KALRN: variants seen among roughly 807,000 people sequenced by gnomAD.
KALRN encodes kalirin RhoGEF kinase, also known as kalirin.
Under a neutral mutation model 353.7 loss-of-function variants are expected in KALRN, and 70 were observed. The ratio of observed to expected loss-of-function variants is 0.20; its 90% CI spans 0.16 to 0.24. The LOEUF (loss-of-function observed/expected upper bound fraction) is 0.24. Among genes scored for constraint, KALRN ranks in the 10% least tolerant of loss-of-function variants. The probability of loss-of-function intolerance (pLI) is 1.00; values close to 1 mark genes in which losing one functional copy is unlikely to be tolerated. For synonymous variants in KALRN, 1,391 were observed against 1,434.8 expected, an observed-to-expected ratio of 0.97 and a Z score of 0.69; for missense variants, 2,791 against 3,756.7, an observed-to-expected ratio of 0.74 and a Z score of 6.72.
chr3:124,191,658 T>C (rs2074931725), intron 1 of KALRN, among the ~76,000 whole-genome samples: 1 of 152,166 alleles, frequency 6.6e-6, no homozygotes, highest in African/African-American at 2.4e-5. Context: ...TTTTCTTTCT[T>C]TGTTTTTCTC....
chr3:124,262,139 A>G (rs1053309616), intron 3 of KALRN, among the ~76,000 whole-genome samples: 1 of 152,218 alleles, frequency 6.6e-6, no homozygotes, highest in Non-Finnish European at 1.5e-5. Context: ...GTAAGTTGAC[A>G]TACCTTTCTG....
At position 124,655,658 on chromosome 3, in the gene KALRN, T is replaced by G; in HGVS notation, c.5853T>G (p.Ile1951Met). ...AAGACTATGTCAAGGATCTGGGCAT[T>G]GTGGTGGAGGTAAGTAGAGGGTTCC... ...TEKDYVKDLG[I>M]VVEGFMKRIE... Residue 1951 changes from isoleucine (I) to methionine (M), a missense_variant, in exon 39 of 60, where the codon ATT becomes ATG. Around this residue, in one of 11 missense-constraint regions of KALRN, gnomAD observed 1,065 missense variants for 1,156.4 expected, o/e 0.92. Coordinates refer to ENST00000682506, the MANE Select transcript of KALRN (RefSeq NM_001388419.1). The G allele has an allele frequency of 6.2e-7, 1 of 1,613,898 alleles. No individual in the cohort carries two copies. Among genetic ancestry groups the G allele is most frequent in the Non-Finnish European group, 8.5e-7 (1 of 1,179,790 alleles).
chr3:124,099,290 C>T (rs2092329890), intron 1 of KALRN: 1 of 152,226 alleles, frequency 6.6e-6, no homozygotes, highest in Admixed American at 6.5e-5. Context: ...TTAGCTTCCA[C>T]ATATGAGTGA....
At chr3:124,326,319 A>G in intron 7 of KALRN, 148 bp downstream of exon 7, 1 of 560,012 alleles carries the variant, frequency 1.8e-6, no homozygotes, top group Non-Finnish European at 3.0e-6. Flanking sequence ...CATTGCAACA[A>G]TAACCTATGT....
At chr3:124,183,753 C>T (rs142863182) in intron 1 of KALRN, among the ~76,000 whole-genome samples, 1,966 of 152,278 alleles carry the variant, frequency 0.013, 33 homozygotes, top group Non-Finnish European at 0.017. Flanking sequence ...GTTTAAGCCA[C>T]CCAGTCTGTG....
intron 6 of KALRN, among the ~76,000 whole-genome samples, chr3:124,301,230 T>C (rs1272730065): frequency 6.6e-6 from 1 of 152,236 alleles, no homozygotes; most frequent in Non-Finnish European, 1.5e-5. Context: ...TCTCTGCTAG[T>C]GTGGATAACT....
At chr3:124,416,148 A>G (rs958088046) in intron 14 of KALRN, among the ~76,000 whole-genome samples, 3 of 152,094 alleles carry the variant, frequency 2.0e-5, no homozygotes, top group Non-Finnish European at 4.4e-5. Context: ...AGGGATGCTC[A>G]CCCTTCATCT....
chr3:124,146,626 C>A (rs148755977), intron 1 of KALRN, among the ~76,000 whole-genome samples: 84 of 151,988 alleles, frequency 5.5e-4, no homozygotes, highest in African/African-American at 1.9e-3. Flanking sequence ...GCCTGTAATC[C>A]CAGCACTTTG....
chr3:124,368,382 C>T (rs1199208257), intron 10 of KALRN, among the ~76,000 whole-genome samples: 5 of 144,246 alleles, frequency 3.5e-5, no homozygotes, highest in African/African-American at 5.2e-5. Context: ...ACCTCCCAGA[C>T]GGGGTCGCGG....
chr3:124,189,081 G>C (rs909995654), intron 1 of KALRN, among the ~76,000 whole-genome samples: 1 of 152,126 alleles, frequency 6.6e-6, no homozygotes. Context: ...TGTCTTCCAA[G>C]TCTGTTCACT....
At chr3:124,544,776 C>CAGTG (rs1159421930) in intron 33 of KALRN, among the ~76,000 whole-genome samples, 1 of 152,054 alleles carries the variant, frequency 6.6e-6, no homozygotes, top group Non-Finnish European at 1.5e-5. Context: ...TAAAGGAGTG[C>CAGTG]CTGGCACATA....
intron 9 of KALRN, among the ~76,000 whole-genome samples, chr3:124,337,598 G>T (rs919780287): frequency 1.3e-5 from 2 of 152,098 alleles, no homozygotes; most frequent in Non-Finnish European, 2.9e-5. Flanking sequence ...ATTGGCCTGA[G>T]ATTTTCTTTT....
chr3:124,490,639 C>T (rs577995558), intron 29 of KALRN, 55 bp from the exon 30 acceptor site: 37 of 1,531,408 alleles, frequency 2.4e-5, no homozygotes, highest in Admixed American at 8.8e-5. Flanking sequence ...TGGAACATGG[C>T]CCCCTGACTG....
chr3:124,720,958 GT>G lies in KALRN; in HGVS notation c.*1491del, dbSNP rs1351360803. ...AAGATTTTAAAAATGTAACTCAAGTGTTTGTTCAAATCAGGTTTAATGGTGT... is the reference window on the plus strand; with the variant it reads ...AAGATTTTAAAAATGTAACTCAAGTGTTGTTCAAATCAGGTTTAATGGTGT... On this transcript the variant is annotated 3_prime_UTR_variant, in exon 60 of 60. Coordinates refer to ENST00000682506, the MANE Select transcript of KALRN (RefSeq NM_001388419.1). 1.3e-5 allele frequency: 2 copies of G among 152,172 alleles called. No individual in the cohort carries two copies. The highest frequency in any genetic ancestry group is 1.9e-4 in the East Asian group (1 of 5,204). 9.4% of individuals were successfully genotyped at this position (152,172 alleles called of 1,614,324 possible). A position where few individuals can be genotyped will look rare whatever the true frequency, so the allele number is the denominator to read the frequency against.
chr3:124,425,889 A>G (rs1390818353), intron 15 of KALRN, among the ~76,000 whole-genome samples: 2 of 152,216 alleles, frequency 1.3e-5, no homozygotes, highest in African/African-American at 4.8e-5. Flanking sequence ...TAATATCTAT[A>G]TACATTCCCA....
chr3:124,546,782 G>A (rs2069726465), intron 33 of KALRN, among the ~76,000 whole-genome samples: 1 of 152,228 alleles, frequency 6.6e-6, no homozygotes, highest in Non-Finnish European at 1.5e-5. Context: ...TGAGAAGCAG[G>A]TGGAGGAGGC....
Position 124,476,793 on chromosome 3 carries a change from T to G in KALRN, c.4102-452T>G, listed in dbSNP as rs552564880. On this transcript the variant is annotated intron_variant, in intron 26 of 59. Coordinates refer to ENST00000682506, the MANE Select transcript of KALRN (RefSeq NM_001388419.1). Reference sequence around the variant, plus strand: ...GCCATGCCCCTCAACCTTTCTCCAATGGAGACATTTAGAGTACAAGCAGAT... The same window carrying G: ...GCCATGCCCCTCAACCTTTCTCCAAGGGAGACATTTAGAGTACAAGCAGAT... 2.0e-5 allele frequency among the ~76,000 whole-genome samples: 3 copies of G among 152,312 alleles called. No homozygotes were observed. The South Asian group carries it at 6.2e-4, about 32-fold the overall frequency.
At chr3:124,244,418 G>A (rs1015399844) in intron 3 of KALRN, among the ~76,000 whole-genome samples, 1 of 152,070 alleles carries the variant, frequency 6.6e-6, no homozygotes, top group African/African-American at 2.4e-5. Context: ...TGTATTTTTA[G>A]TAGAGATGGG....
chr3:124,538,138 C>T (rs1042415394), intron 33 of KALRN, among the ~76,000 whole-genome samples: 3 of 152,156 alleles, frequency 2.0e-5, no homozygotes, highest in Admixed American at 6.5e-5. Flanking sequence ...GAGGCAAAAA[C>T]GTATGTACCT....
Sources: gnomAD v4.1 joint callset for allele counts (sites outside exome capture counted in the v4.1 genomes callset) on GRCh38, gnomAD v4.1.1 for gene constraint, gnomAD v4.1.1 regional missense constraint, MANE v1.5 for transcripts, NCBI Gene and HGNC (gene_info 2026-07-23, HGNC 2026-07-21) for gene names.